Variants in TXNRD3 observed in about 807,000 individuals in gnomAD.
TXNRD3 encodes the protein TXNRD3 neighbor gene protein.
A neutral mutation model predicts 78.2 loss-of-function variants in TXNRD3; 68 were observed. The observed-to-expected ratio is 0.87, with a 90% CI of 0.72 to 1.06. The LOEUF (loss-of-function observed/expected upper bound fraction) is 1.06, where lower values mean the gene tolerates loss of function less well. Ranked by LOEUF, TXNRD3 falls within the 50% of genes least tolerant of loss-of-function variation. The probability of loss-of-function intolerance (pLI) is 0.00; values close to 1 mark genes in which losing one functional copy is unlikely to be tolerated. For synonymous variants in TXNRD3, 296 were observed against 300.1 expected, an observed-to-expected ratio of 0.99 and a Z score of 0.14; for missense variants, 751 against 809.5, an observed-to-expected ratio of 0.93 and a Z score of 0.88.
intron 14 of TXNRD3, chr3:126,609,249 A>G (rs1426545519): frequency 5.5e-6 from 2 of 360,598 alleles, no homozygotes; most frequent in Non-Finnish European, 1.2e-5. Flanking sequence ...GATCTTCAAC[A>G]GTAAAAGCAT....
Position 126,630,775 on chromosome 3 carries a change from T to C in TXNRD3, c.1134A>G (p.Glu378=). The C allele has an allele frequency of 6.5e-7, 1 of 1,534,754 alleles. No individual in the cohort carries two copies. The highest frequency in any genetic ancestry group is 8.7e-7 in the Non-Finnish European group (1 of 1,146,880). The stretch of plus-strand genomic sequence containing the variant: ...GCTGCTCCATGTAGGAACCCACTTT[T>C]TCTGCCATTTCTTGGTCGAAGCCAC... Residue 378 remains glutamate, a synonymous_variant, in exon 9 of 16, where the codon GAA becomes GAG. Transcript: ENST00000524230.
intron 10 of TXNRD3, among the ~76,000 whole-genome samples, chr3:126,622,856 C>G (rs1272351719): frequency 6.6e-6 from 1 of 152,082 alleles, no homozygotes; most frequent in African/African-American, 2.4e-5. Context: ...TAAAATAGGT[C>G]ATATGGGTGT....
intron 12 of TXNRD3, among the ~76,000 whole-genome samples, chr3:126,617,325 C>T (rs1938340594): frequency 2.0e-5 from 3 of 152,196 alleles, no homozygotes; most frequent in Admixed American, 2.0e-4. Context: ...CATCAGGCAA[C>T]TGCTCTGCCG....
chr3:126,614,957 T>C (rs4679274), intron 13 of TXNRD3, among the ~76,000 whole-genome samples: 89,734 of 151,978 alleles, frequency 0.59, 27,027 homozygotes, highest in Non-Finnish European at 0.66. Flanking sequence ...AATAAAGGTG[T>C]GTAGAGGGCG....
At chr3:126,624,372 C>T (rs964576637) in intron 10 of TXNRD3, among the ~76,000 whole-genome samples, 2 of 151,816 alleles carry the variant, frequency 1.3e-5, no homozygotes, top group South Asian at 2.1e-4. Context: ...AAAGGACAGA[C>T]AAACGGTCTA....
intron 10 of TXNRD3, among the ~76,000 whole-genome samples, chr3:126,625,504 A>G (rs1374361042): frequency 6.6e-6 from 1 of 151,840 alleles, no homozygotes. Flanking sequence ...TTATGGCTGC[A>G]TAGTATTCCA....
At chr3:126,638,771 G>A (rs1179437187) in intron 6 of TXNRD3, among the ~76,000 whole-genome samples, 2 of 152,120 alleles carry the variant, frequency 1.3e-5, no homozygotes, top group African/African-American at 4.8e-5. Flanking sequence ...TTTGTATAGG[G>A]GGAACTTTGA....
intron 1 of TXNRD3, among the ~76,000 whole-genome samples, chr3:126,648,181 T>G (rs895736922): frequency 6.6e-6 from 1 of 152,156 alleles, no homozygotes; most frequent in Non-Finnish European, 1.5e-5. Flanking sequence ...AGCAAAAGAC[T>G]TGGATGCTGA....
At chr3:126,634,584 A>G (rs1467161999) in intron 6 of TXNRD3, among the ~76,000 whole-genome samples, 1 of 152,138 alleles carries the variant, frequency 6.6e-6, no homozygotes, top group Non-Finnish European at 1.5e-5. Context: ...TCAATATTAC[A>G]GTGTTTACCC....
chr3:126,633,303 C>G (rs1938768687), intron 7 of TXNRD3, among the ~76,000 whole-genome samples: 1 of 152,130 alleles, frequency 6.6e-6, no homozygotes, highest in South Asian at 2.1e-4. Flanking sequence ...GAGATAACAG[C>G]TGAATACAAA....
Position 126,608,047 on chromosome 3 carries a change from T to TA in TXNRD3, c.1864-75dup, listed in dbSNP as rs1938094312. The TA allele has an allele frequency of 2.7e-6, 3 of 1,111,450 alleles. No individual in the cohort carries two copies. The East Asian group carries it at 8.1e-5, about 30-fold the overall frequency. The allele number at this position is 1,111,450 out of a possible 1,614,324, so 68.8% of individuals were successfully genotyped here. A position where few individuals can be genotyped will look rare whatever the true frequency, so the allele number is the denominator to read the frequency against. On this transcript the variant is annotated intron_variant, in intron 15 of 15. Coordinates refer to ENST00000524230, the MANE Select transcript of TXNRD3 (RefSeq NM_052883.3). ...TTAAAAAAACACATTCTGAATATTA[T>TA]ATTTATGCTATTCTTTAAAATATAC... is the stretch of plus-strand genomic sequence containing the variant.
At position 126,623,851 on chromosome 3, in the gene TXNRD3, C is replaced by CAAAAAAAAAAAAAAAAAAAAAAAAA. The variant is rs758992893; in HGVS notation, c.1291-1312_1291-1311insTTTTTTTTTTTTTTTTTTTTTTTTT. On this transcript the variant is annotated intron_variant, in intron 10 of 15. Coordinates refer to ENST00000524230, the MANE Select transcript of TXNRD3 (RefSeq NM_052883.3). ...GGAGGTATTAGCCAGTGAAACAAGG[C>CAAAAAAAAAAAAAAAAAAAAAAAAA]CAAAAAAAAAAAAAAAAAAGATTAA... Among the ~76,000 whole-genome samples, 5 of 89,758 alleles carry CAAAAAAAAAAAAAAAAAAAAAAAAA rather than the reference C, an allele frequency of 5.6e-5. 1 individual carries two copies. Among genetic ancestry groups the CAAAAAAAAAAAAAAAAAAAAAAAAA allele is most frequent in the East Asian group, 3.8e-4 (1 of 2,598 alleles). The allele number at this position is 89,758 out of a possible 152,430, so 58.9% of individuals were successfully genotyped here.
At chr3:126,619,044 A>G (rs1938383254) in intron 12 of TXNRD3, among the ~76,000 whole-genome samples, 1 of 152,124 alleles carries the variant, frequency 6.6e-6, no homozygotes, top group Admixed American at 6.5e-5. Context: ...AATGGCTATT[A>G]TCAAAAAGAC....
rs186837606 is a variant in TXNRD3, at chr3:126,653,214, G to A, written c.243+1534C>T. Among the ~76,000 whole-genome samples, 7 of 152,210 alleles carry A rather than the reference G, an allele frequency of 4.6e-5. No homozygotes were observed. In the South Asian group the frequency reaches 1.0e-3, roughly 23 times the overall value. On this transcript the variant is annotated intron_variant, in intron 1 of 15. Coordinates refer to ENST00000524230, the MANE Select transcript of TXNRD3 (RefSeq NM_052883.3). ...TAGGAACTTAACTCTTATTTCTATC[G>A]ATTAGCCTACAATAAAACTGGTTTT...
At chr3:126,637,918 C>T (rs915204791) in intron 6 of TXNRD3, among the ~76,000 whole-genome samples, 1 of 129,694 alleles carries the variant, frequency 7.7e-6, no homozygotes. Flanking sequence ...TTATTTTAAC[C>T]TATATTTCTC....
chr3:126,628,663 T>C (rs1470672106), intron 10 of TXNRD3, among the ~76,000 whole-genome samples: 1 of 152,060 alleles, frequency 6.6e-6, no homozygotes, highest in African/African-American at 2.4e-5. Context: ...CTGGGAATCA[T>C]TAAAGAAGAT....
At chr3:126,620,059 G>A (rs945095448) in intron 12 of TXNRD3, among the ~76,000 whole-genome samples, 4 of 152,126 alleles carry the variant, frequency 2.6e-5, no homozygotes, top group Non-Finnish European at 5.9e-5. Context: ...ACTTTGGGAG[G>A]CTGAGGCAGG....
intron 13 of TXNRD3, among the ~76,000 whole-genome samples, chr3:126,613,292 G>A (rs1368000869): frequency 6.6e-6 from 1 of 151,976 alleles, no homozygotes; most frequent in Non-Finnish European, 1.5e-5. Flanking sequence ...TCGGCTCTAT[G>A]CAAGAGCAAG....
In TXNRD3 at chr3:126,615,337, A is replaced by G; in HGVS notation, c.1632+18T>C. 3 of 1,258,262 alleles carry G rather than the reference A, an allele frequency of 2.4e-6. No individual in the cohort carries two copies. Among genetic ancestry groups the G allele is most frequent in the Non-Finnish European group, 2.1e-6 (2 of 936,006 alleles). The allele number at this position is 1,258,262 out of a possible 1,614,324, so 77.9% of individuals were successfully genotyped here. A position where few individuals can be genotyped will look rare whatever the true frequency, so the allele number is the denominator to read the frequency against. The stretch of plus-strand genomic sequence containing the variant: ...TTAAAAGAGAATTTTTTAAGGAAGT[A>G]ATAAAACACAATCTTACTTCTAGAT... On this transcript the variant is annotated intron_variant, in intron 13 of 15. Coordinates refer to ENST00000524230, the MANE Select transcript of TXNRD3 (RefSeq NM_052883.3).
Sources: allele counts gnomAD v4.1 joint callset (sites outside exome capture counted in the v4.1 genomes callset), GRCh38; gene constraint gnomAD v4.1.1; transcripts MANE v1.5; gene names NCBI Gene and HGNC (gene_info 2026-07-23, HGNC 2026-07-21).